GALNT18: variants seen among roughly 807,000 people sequenced by gnomAD.
The protein encoded by GALNT18 is GalNAc-transferase 18.
Under a neutral mutation model 69.5 loss-of-function variants are expected in GALNT18, and 44 were observed. That is an observed-to-expected ratio of 0.63 (90% CI 0.50 to 0.81). The LOEUF is 0.81. Ranked by LOEUF, GALNT18 falls within the 40% of genes least tolerant of loss-of-function variation. GALNT18 has a pLI of 0.00. For synonymous variants in GALNT18, 364 were observed against 318.2 expected, an observed-to-expected ratio of 1.14 and a Z score of -1.53; for missense variants, 715 against 810.0, an observed-to-expected ratio of 0.88 and a Z score of 1.42.
chr11:11,297,750 G>A (rs1849427257), intron 9 of GALNT18, among the ~76,000 whole-genome samples: 1 of 152,072 alleles, frequency 6.6e-6, no homozygotes. Context: ...AAACCCCCGG[G>A]GCAGAGAAAC....
chr11:11,572,682 A>G (rs1025577453), intron 1 of GALNT18, among the ~76,000 whole-genome samples: 1 of 152,158 alleles, frequency 6.6e-6, no homozygotes, highest in African/African-American at 2.4e-5. Flanking sequence ...AACATTCAAC[A>G]TGGCTGCCCG....
At position 11,595,694 on chromosome 11, in the gene GALNT18, T is replaced by A. The variant is rs1859482224; in HGVS notation, c.235+25665A>T. On this transcript the variant is annotated intron_variant, in intron 1 of 10. Coordinates refer to ENST00000227756, the MANE Select transcript of GALNT18 (RefSeq NM_198516.3). This position sits in a 1 kb window ranked among gnomAD's most constrained non-coding sequence, Gnocchi z 5.2. ...CATTTGTATATCTTCTTCAGAGAATTTGTCTATTGAGATGTTTTGCCTATT... is the reference window on the plus strand; with the variant it reads ...CATTTGTATATCTTCTTCAGAGAATATGTCTATTGAGATGTTTTGCCTATT... Among the ~76,000 whole-genome samples the A allele has an allele frequency of 6.6e-6, 1 of 152,234 alleles. No individual in the cohort carries two copies. Among genetic ancestry groups the A allele is most frequent in the Non-Finnish European group, 1.5e-5 (1 of 68,042 alleles).
rs1395980106 is a variant in GALNT18 at position 11,605,877 on chromosome 11, TCA to T, written c.235+15480_235+15481del. Among the ~76,000 whole-genome samples the T allele has an allele frequency of 6.6e-6, 1 of 152,160 alleles. No individual in the cohort carries two copies. Among genetic ancestry groups the T allele is most frequent in the Non-Finnish European group, 1.5e-5 (1 of 68,036 alleles). On this transcript the variant is annotated intron_variant, in intron 1 of 10. Coordinates refer to ENST00000227756, the MANE Select transcript of GALNT18 (RefSeq NM_198516.3). This position sits in a 1 kb window ranked among gnomAD's most constrained non-coding sequence, Gnocchi z 4.7. The stretch of plus-strand genomic sequence containing the variant: ...CTCACCAGCTGATCCCTGGGAGAGC[TCA>T]GTGTGGAAAGCACACTGCACACACG...
rs1361818315 is a variant in GALNT18 at position 11,338,642 on chromosome 11, AGAG to A, written c.1278+2174_1278+2176del. On this transcript the variant is annotated intron_variant, in intron 7 of 10. Coordinates refer to ENST00000227756, the MANE Select transcript of GALNT18 (RefSeq NM_198516.3). This position sits in a 1 kb window ranked among gnomAD's most constrained non-coding sequence, Gnocchi z 5.3. Reference sequence around the variant, plus strand: ...TTCTGAGTGCCTGTGGGAATGGCCAAGAGGAGATGTCCAGCTGGCAGTTGGAGA... The same window carrying A: ...TTCTGAGTGCCTGTGGGAATGGCCAAGAGATGTCCAGCTGGCAGTTGGAGA... Among the ~76,000 whole-genome samples, 2 of 152,230 alleles carry A rather than the reference AGAG, an allele frequency of 1.3e-5. No individual in the cohort carries two copies. The highest frequency in any genetic ancestry group is 4.8e-5 in the African/African-American group (2 of 41,468).
intron 6 of GALNT18, among the ~76,000 whole-genome samples, chr11:11,346,953 T>A (rs373150276): frequency 6.6e-6 from 1 of 152,194 alleles, no homozygotes; most frequent in Non-Finnish European, 1.5e-5. Context: ...GAATAATGAT[T>A]CCCCAGGTTT....
chr11:11,452,019 G>T (rs1298379884), intron 1 of GALNT18, among the ~76,000 whole-genome samples: 2 of 152,146 alleles, frequency 1.3e-5, no homozygotes, highest in African/African-American at 4.8e-5. Context: ...GCAGAGTTGA[G>T]TATGTATGAC....
rs967824678 is a variant in GALNT18 at position 11,453,469 on chromosome 11, C to T, written c.236-4533G>A. On this transcript the variant is annotated intron_variant, in intron 1 of 10. Coordinates refer to ENST00000227756, the MANE Select transcript of GALNT18 (RefSeq NM_198516.3). ...CAGTTCCCTCACTTCTATGTCTTTA[C>T]TCAAAAGTCACTTTCTCAGCAAACC... Among the ~76,000 whole-genome samples, 36 of 152,288 alleles carry T rather than the reference C, an allele frequency of 2.4e-4. 1 individual carries two copies. Among genetic ancestry groups the T allele is most frequent in the African/African-American group, 8.2e-4 (34 of 41,554 alleles).
chr11:11,333,302 AC>A (rs758517379), intron 7 of GALNT18, among the ~76,000 whole-genome samples: 20 of 152,312 alleles, frequency 1.3e-4, no homozygotes, highest in South Asian at 4.1e-4. Flanking sequence ...TAAGGTTTAA[AC>A]ATTTCCAAAG....
chr11:11,443,083 T>G (rs1221430918), intron 2 of GALNT18, among the ~76,000 whole-genome samples: 1 of 152,190 alleles, frequency 6.6e-6, no homozygotes, highest in East Asian at 1.9e-4. Flanking sequence ...GCCCCTTGTT[T>G]GGAAACAGCC....
intron 1 of GALNT18, among the ~76,000 whole-genome samples, chr11:11,537,453 AG>A (rs1338660113): frequency 6.6e-6 from 1 of 152,200 alleles, no homozygotes; most frequent in Non-Finnish European, 1.5e-5. Flanking sequence ...TAAGGAGAAA[AG>A]ATTTTGTAGG....
chr11:11,611,929 G>A (rs1359868571), intron 1 of GALNT18, among the ~76,000 whole-genome samples: 1 of 152,126 alleles, frequency 6.6e-6, no homozygotes, highest in Non-Finnish European at 1.5e-5. Flanking sequence ...CAGGTTCCTT[G>A]TAGACACAAA....
rs1860163638 is a variant in GALNT18 at position 11,620,461 on chromosome 11, C to A, written c.235+898G>T. ...TGCAACCCCCACCCTCCCTTTGGAC[C>A]CCCGCGCTGGTCTGGAGCGCACCCA... On this transcript the variant is annotated intron_variant, in intron 1 of 10. Transcript: ENST00000227756. This position sits in a 1 kb window ranked among gnomAD's most constrained non-coding sequence, Gnocchi z 6.9. Among the ~76,000 whole-genome samples, 1 of 152,152 alleles carries A rather than the reference C, an allele frequency of 6.6e-6. No individual in the cohort carries two copies. Among genetic ancestry groups the A allele is most frequent in the Admixed American group, 6.5e-5 (1 of 15,286 alleles).
rs958690955 is a variant in GALNT18 at position 11,341,847 on chromosome 11, C to T, written c.1093-843G>A. Among the ~76,000 whole-genome samples the T allele has an allele frequency of 4.6e-5, 7 of 152,094 alleles. No individual in the cohort carries two copies. Among genetic ancestry groups the T allele is most frequent in the East Asian group, 1.9e-4 (1 of 5,186 alleles). On this transcript the variant is annotated intron_variant, in intron 6 of 10. Coordinates refer to ENST00000227756, the MANE Select transcript of GALNT18 (RefSeq NM_198516.3). The surrounding 1 kb of genome is among the most constrained non-coding windows in gnomAD (Gnocchi z 6.3). ...CTCTCAAGACCTTGATCAGGCTGGG[C>T]ACAGTGGCTCACACCTGTAATCTCA...
chr11:11,353,138 C>A (rs755594317), intron 6 of GALNT18: 8 of 1,613,402 alleles, frequency 5.0e-6, no homozygotes, highest in Non-Finnish European at 6.8e-6. Flanking sequence ...GGTTGGCGGA[C>A]AAAGCTGGAC....
chr11:11,472,166 G>A (rs1856288031), intron 1 of GALNT18, among the ~76,000 whole-genome samples: 3 of 152,326 alleles, frequency 2.0e-5, no homozygotes, highest in East Asian at 1.9e-4. Context: ...CAGGACAGGG[G>A]CTCCACTACC....
chr11:11,534,663 C>T (rs182711816), intron 1 of GALNT18, among the ~76,000 whole-genome samples: 1 of 152,248 alleles, frequency 6.6e-6, no homozygotes, highest in East Asian at 1.9e-4. Flanking sequence ...AAAACTTCCA[C>T]CTTTTCCTCA....
At position 11,465,165 on chromosome 11, in the gene GALNT18, A is replaced by T. The variant is rs1856129414; in HGVS notation, c.236-16229T>A. 6.6e-6 allele frequency among the ~76,000 whole-genome samples: 1 copy of T among 152,092 alleles called. No individual in the cohort carries two copies. The highest frequency in any genetic ancestry group is 2.1e-4 in the South Asian group (1 of 4,820). On this transcript the variant is annotated intron_variant, in intron 1 of 10. Transcript: ENST00000227756. The surrounding 1 kb of genome is among the most constrained non-coding windows in gnomAD (Gnocchi z 5.7). ...GCGAGGTGCCTTGGGATGCCTGAGG[A>T]AGGTCTGTTCCCAGATCCTCAGCCC...
At chr11:11,362,513 G>C (rs1005763815) in intron 6 of GALNT18, among the ~76,000 whole-genome samples, 2 of 152,076 alleles carry the variant, frequency 1.3e-5, no homozygotes, top group Admixed American at 6.5e-5. Context: ...CAACCCTATA[G>C]GAAAGTGGGC....
At chr11:11,297,833 C>T (rs1849428741) in intron 9 of GALNT18, among the ~76,000 whole-genome samples, 1 of 152,330 alleles carries the variant, frequency 6.6e-6, no homozygotes, top group Non-Finnish European at 1.5e-5. Context: ...CAGCTCTACA[C>T]AGCTCAGCAG....
Sources: allele counts gnomAD v4.1 joint callset (sites outside exome capture counted in the v4.1 genomes callset), GRCh38; gene constraint gnomAD v4.1.1; non-coding constraint Gnocchi (gnomAD v3.1); transcripts MANE v1.5; gene names NCBI Gene and HGNC (gene_info 2026-07-23, HGNC 2026-07-21).